The following QKI variants were observed in gnomAD, a reference collection of about 807,000 sequenced individuals.
QKI encodes KH domain-containing RNA-binding protein QKI.
Under a neutral mutation model 39.0 loss-of-function variants are expected in QKI, and 10 were observed. The ratio of observed to expected loss-of-function variants is 0.26; its 90% confidence interval spans 0.16 to 0.43. The LOEUF is 0.43. QKI is among the 20% of genes least tolerant of loss of function. The pLI is 1.00. For synonymous variants in QKI, 204 were observed against 155.4 expected (o/e 1.31, Z -2.33); for missense variants, 218 against 428.0 (o/e 0.51, Z 4.33).
At chr6:163,439,131 T>TC (rs1789537097) in intron 1 of QKI, among the ~76,000 whole-genome samples, 1 of 152,152 alleles carries the variant, frequency 6.6e-6, no homozygotes, top group South Asian at 2.1e-4. Flanking sequence ...TGCCAGGTCT[T>TC]CATGGGCAAG....
At chr6:163,536,310 A>G (rs375158863) in intron 4 of QKI, among the ~76,000 whole-genome samples, 1 of 152,218 alleles carries the variant, frequency 6.6e-6, no homozygotes, top group Non-Finnish European at 1.5e-5. Flanking sequence ...ATACTGGGCA[A>G]TTAGTGTCAT....
intron 3 of QKI, among the ~76,000 whole-genome samples, chr6:163,522,617 G>A (rs998879293): frequency 6.6e-6 from 1 of 152,122 alleles, no homozygotes; most frequent in Non-Finnish European, 1.5e-5. Context: ...CTGATTATCA[G>A]TCAGCAAATA....
intron 3 of QKI, among the ~76,000 whole-genome samples, chr6:163,530,044 AC>A (rs1780757191): frequency 6.6e-6 from 1 of 152,170 alleles, no homozygotes. Flanking sequence ...TTGATGCAAA[AC>A]TGTGTTCTTC....
chr6:163,544,089 G>T (rs1450836014), intron 4 of QKI, among the ~76,000 whole-genome samples: 2 of 152,010 alleles, frequency 1.3e-5, no homozygotes, highest in African/African-American at 4.8e-5. Flanking sequence ...TATTCAGGTT[G>T]CACGTAACTA....
chr6:163,427,488 G>A (rs942262122), intron 1 of QKI, among the ~76,000 whole-genome samples: 2 of 151,302 alleles, frequency 1.3e-5, no homozygotes, highest in African/African-American at 4.9e-5. Flanking sequence ...TTTTGGTGGG[G>A]GGGTCCTCAT....
chr6:163,540,837 G>T, intron 4 of QKI, among the ~76,000 whole-genome samples: 1 of 151,738 alleles, frequency 6.6e-6, no homozygotes, highest in Non-Finnish European at 1.5e-5. Flanking sequence ...GTTATATGTA[G>T]GTTTTTATCT....
At chr6:163,480,881 A>G (rs1263238882) in intron 3 of QKI, among the ~76,000 whole-genome samples, 4 of 152,184 alleles carry the variant, frequency 2.6e-5, no homozygotes, top group African/African-American at 4.8e-5. Context: ...CAGTTAGGCT[A>G]TTCTGTCAGC....
chr6:163,474,918 A>G (rs1400019513), intron 2 of QKI, among the ~76,000 whole-genome samples: 1 of 151,918 alleles, frequency 6.6e-6, no homozygotes, highest in Non-Finnish European at 1.5e-5. Flanking sequence ...AATAAACTTG[A>G]CGTTATTGAG....
intron 2 of QKI, among the ~76,000 whole-genome samples, chr6:163,462,743 A>G (rs541942828): frequency 6.6e-6 from 1 of 152,308 alleles, no homozygotes; most frequent in East Asian, 1.9e-4. Flanking sequence ...AGGACACAGG[A>G]ATATGAAAAG....
intron 4 of QKI, 123 bp from the exon 5 acceptor site, chr6:163,561,859 T>TC (rs1783039542): frequency 4.8e-6 from 3 of 625,724 alleles, no homozygotes; most frequent in Admixed American, 3.5e-5. Flanking sequence ...GATCTTTTTT[T>TC]CCCCTTATTA....
At chr6:163,422,875 T>C (rs900876577) in intron 1 of QKI, among the ~76,000 whole-genome samples, 17 of 152,220 alleles carry the variant, frequency 1.1e-4, no homozygotes, top group Non-Finnish European at 2.4e-4. Context: ...TAGCAAATCA[T>C]TGGGGAGCCC....
chr6:163,555,831 GT>G (rs770728373), intron 4 of QKI, among the ~76,000 whole-genome samples: 2 of 151,414 alleles, frequency 1.3e-5, no homozygotes, highest in Non-Finnish European at 2.9e-5. Context: ...CTTTGTTGTA[GT>G]TTTTTTTTAA....
At chr6:163,422,065 C>G (rs921503310) in intron 1 of QKI, among the ~76,000 whole-genome samples, 18 of 151,404 alleles carry the variant, frequency 1.2e-4, no homozygotes, top group African/African-American at 4.4e-4. Context: ...AGCCACCAAG[C>G]TCTAAACTGT....
chr6:163,570,003 T>G (rs918412705), intron 7 of QKI: 2 of 986,272 alleles, frequency 2.0e-6, no homozygotes, highest in African/African-American at 3.5e-5. Flanking sequence ...GCAAAAGGCC[T>G]GGCCATTTTC....
chr6:163,569,416 A>G (rs779007894), intron 7 of QKI: 1 of 1,267,478 alleles, frequency 7.9e-7, no homozygotes, highest in Admixed American at 2.5e-5. Flanking sequence ...ATATCTTTTC[A>G]TTCACATCTC....
intron 3 of QKI, among the ~76,000 whole-genome samples, chr6:163,533,629 A>T (rs1184911471): frequency 6.6e-6 from 1 of 152,232 alleles, no homozygotes; most frequent in Admixed American, 6.5e-5. Context: ...ATCATCAAAA[A>T]GAATGTAATG....
chr6:163,434,857 T>G (rs1448314052), intron 1 of QKI, among the ~76,000 whole-genome samples: 2 of 152,202 alleles, frequency 1.3e-5, no homozygotes, highest in South Asian at 2.1e-4. Flanking sequence ...TTTCCTGACT[T>G]TTTCCCCCCT....
chr6:163,553,540 T>C (rs987169150), intron 4 of QKI, among the ~76,000 whole-genome samples: 13 of 152,172 alleles, frequency 8.5e-5, no homozygotes, highest in South Asian at 8.3e-4. Context: ...TGGAGGTGTT[T>C]TTTTTTTAAT....
intron 2 of QKI, among the ~76,000 whole-genome samples, chr6:163,477,010 G>GT (rs1380021311): frequency 1.5e-4 from 11 of 74,498 alleles, no homozygotes; most frequent in South Asian, 6.2e-4. Context: ...TTTTTGTTTT[G>GT]TTTTGTTTTG....
Sources: allele counts gnomAD v4.1 joint callset (sites outside exome capture counted in the v4.1 genomes callset), GRCh38; gene constraint gnomAD v4.1.1; transcripts MANE v1.5; gene names NCBI Gene and HGNC (gene_info 2026-07-23, HGNC 2026-07-21).